Variants in PAIP2B observed in about 807,000 individuals in gnomAD.
The protein encoded by PAIP2B is polyadenylate-binding protein-interacting protein 2B.
In PAIP2B, 13 loss-of-function variants were observed where a neutral mutation model predicts 17.0. The ratio of observed to expected loss-of-function variants is 0.76; its 90% CI spans 0.50 to 1.22. The LOEUF (loss-of-function observed/expected upper bound fraction) is 1.22, where lower values mean the gene tolerates loss of function less well. Among genes scored for constraint, PAIP2B ranks in the 50% most tolerant of loss-of-function variants. The probability of loss-of-function intolerance (pLI) is 0.00; values close to 1 mark genes in which losing one functional copy is unlikely to be tolerated. For synonymous variants in PAIP2B, 43 were observed against 48.7 expected, an observed-to-expected ratio of 0.88 and a Z score of 0.48; for missense variants, 117 against 144.5, an observed-to-expected ratio of 0.81 and a Z score of 0.98.
intron 1 of PAIP2B, among the ~76,000 whole-genome samples, chr2:71,208,663 T>C (rs1675209037): frequency 6.6e-6 from 1 of 152,190 alleles, no homozygotes; most frequent in South Asian, 2.1e-4. Flanking sequence ...AGGGTGTTTG[T>C]ATATATAATT....
chr2:71,215,831 T>C (rs1429936496), intron 1 of PAIP2B, among the ~76,000 whole-genome samples: 1 of 152,218 alleles, frequency 6.6e-6, no homozygotes, highest in African/African-American at 2.4e-5. Context: ...AATATATTTG[T>C]GTGTACTTTA....
At chr2:71,223,034 G>C (rs1675630278) in intron 1 of PAIP2B, among the ~76,000 whole-genome samples, 1 of 152,314 alleles carries the variant, frequency 6.6e-6, no homozygotes, top group East Asian at 1.9e-4. Context: ...CAGAGCTCCT[G>C]ACTTAGCTCT....
intron 1 of PAIP2B, among the ~76,000 whole-genome samples, chr2:71,209,709 T>C (rs1439545076): frequency 6.6e-6 from 1 of 152,236 alleles, no homozygotes; most frequent in Non-Finnish European, 1.5e-5. Flanking sequence ...TTCTAACTTT[T>C]TGTTTATTCT....
intron 2 of PAIP2B, among the ~76,000 whole-genome samples, chr2:71,196,762 T>C (rs767770780): frequency 6.6e-6 from 1 of 152,174 alleles, no homozygotes; most frequent in African/African-American, 2.4e-5. Flanking sequence ...TTTACCATTA[T>C]GTAATGTCCT....
intron 1 of PAIP2B, among the ~76,000 whole-genome samples, chr2:71,219,877 A>G (rs35686144): frequency 0.096 from 14,530 of 152,124 alleles, 766 homozygotes; most frequent in Non-Finnish European, 0.12. Context: ...GTATATTCTT[A>G]CTCTACTCTT....
At chr2:71,210,075 C>T (rs978247064) in intron 1 of PAIP2B, among the ~76,000 whole-genome samples, 4 of 152,186 alleles carry the variant, frequency 2.6e-5, no homozygotes, top group Admixed American at 1.3e-4. Context: ...CTGCCCGCCT[C>T]AGCCTCCCAA....
At chr2:71,193,985 T>C (rs192809100) in intron 2 of PAIP2B, among the ~76,000 whole-genome samples, 100 of 152,328 alleles carry the variant, frequency 6.6e-4, no homozygotes, top group Admixed American at 6.5e-3. Flanking sequence ...GGGAGTCTTT[T>C]CCCTAGTGCT....
chr2:71,211,903 T>G (rs1675311478), intron 1 of PAIP2B, among the ~76,000 whole-genome samples: 1 of 152,178 alleles, frequency 6.6e-6, no homozygotes, highest in Non-Finnish European at 1.5e-5. Flanking sequence ...TGGCAAGATC[T>G]CTAGACTCAG....
rs1282837623 is a variant in PAIP2B, at chr2:71,185,897, TACAGATC to T, written c.*2575_*2581del. ...GAGTTGAATAAATAATCCCAATAAT[TACAGATC>T]AATCACTAATAAACTAACATTGGGA... On this transcript the variant is annotated 3_prime_UTR_variant, in exon 4 of 4. Coordinates refer to ENST00000244221, the MANE Select transcript of PAIP2B (RefSeq NM_020459.1). The T allele has an allele frequency of 3.7e-4, 56 of 152,240 alleles. 2 individuals carry two copies. Among genetic ancestry groups the T allele is most frequent in the Admixed American group, 3.1e-3 (48 of 15,284 alleles). The allele number at this position is 152,240 out of a possible 1,614,324, so 9.4% of individuals were successfully genotyped here. A position where few individuals can be genotyped will look rare whatever the true frequency, so the allele number is the denominator to read the frequency against.
At chr2:71,205,890 C>T (rs1675113564) in intron 1 of PAIP2B, among the ~76,000 whole-genome samples, 1 of 152,092 alleles carries the variant, frequency 6.6e-6, no homozygotes, top group Non-Finnish European at 1.5e-5. Context: ...CAGAGAGGCT[C>T]ATGGGAGAGG....
chr2:71,205,025 A>C (rs11692693), intron 1 of PAIP2B, among the ~76,000 whole-genome samples: 10,108 of 152,132 alleles, frequency 0.066, 380 homozygotes, highest in African/African-American at 0.092. Context: ...ACATGATTGT[A>C]AGGCAAAAGA....
intron 1 of PAIP2B, among the ~76,000 whole-genome samples, chr2:71,205,223 A>G (rs1304681945): frequency 4.6e-5 from 7 of 152,226 alleles, no homozygotes; most frequent in African/African-American, 1.2e-4. Context: ...AAACACTGAT[A>G]TGGTATTGTC....
At position 71,188,502 on chromosome 2, in the gene PAIP2B, A is replaced by G. The variant is rs1674600761; in HGVS notation, c.349T>C (p.Phe117Leu). The change falls in exon 4 of 4, where the codon TTT becomes CTT. Residue 117 changes from phenylalanine (F) to leucine (L), a missense_variant. By Grantham distance (22) the Phe-to-Leu change is conservative (BLOSUM62 0). Transcript: ENST00000244221. ...KSNLNPDAKE[F>L]IPGEKY Reference sequence around the variant, plus strand: ...GCTCAGTACTTCTCTCCTGGAATAAACTCCTTGGCATCTGGGTTCAGGTTA... The same window carrying G: ...GCTCAGTACTTCTCTCCTGGAATAAGCTCCTTGGCATCTGGGTTCAGGTTA... The G allele has an allele frequency of 6.2e-7, 1 of 1,610,334 alleles. No individual in the cohort carries two copies. Among genetic ancestry groups the G allele is most frequent in the Non-Finnish European group, 8.5e-7 (1 of 1,178,462 alleles).
intron 1 of PAIP2B, among the ~76,000 whole-genome samples, chr2:71,210,448 G>C (rs1282850230): frequency 6.6e-6 from 1 of 152,290 alleles, no homozygotes; most frequent in African/African-American, 2.4e-5. Context: ...ATTCTGCTAA[G>C]TTTTCCTATA....
At chr2:71,223,306 G>A (rs1675638311) in intron 1 of PAIP2B, among the ~76,000 whole-genome samples, 1 of 152,082 alleles carries the variant, frequency 6.6e-6, no homozygotes. Flanking sequence ...CCAGCTACTT[G>A]GAGTCTGAGG....
chr2:71,211,406 GC>G (rs1558780565), intron 1 of PAIP2B, among the ~76,000 whole-genome samples: 1 of 152,002 alleles, frequency 6.6e-6, no homozygotes, highest in East Asian at 1.9e-4. Flanking sequence ...CTGAGCCAAG[GC>G]CCAATTTTTG....
At chr2:71,207,489 C>A (rs1385327534) in intron 1 of PAIP2B, among the ~76,000 whole-genome samples, 2 of 152,036 alleles carry the variant, frequency 1.3e-5, no homozygotes, top group African/African-American at 4.8e-5. Context: ...TAATAGAAGC[C>A]ATTATAAGGA....
intron 1 of PAIP2B, among the ~76,000 whole-genome samples, chr2:71,216,879 A>G (rs1296356338): frequency 2.0e-5 from 3 of 152,200 alleles, no homozygotes; most frequent in South Asian, 2.1e-4. Context: ...CCTCCATCCA[A>G]TGTATTTTAT....
chr2:71,189,814 C>T (rs1674636433), intron 3 of PAIP2B, 31 bp downstream of exon 3: 2 of 1,522,200 alleles, frequency 1.3e-6, no homozygotes, highest in Non-Finnish European at 8.9e-7. Context: ...CTTTTCACTA[C>T]ATAACCTGGG....
Sources: gnomAD v4.1 joint callset for allele counts (sites outside exome capture counted in the v4.1 genomes callset) on GRCh38, gnomAD v4.1.1 for gene constraint, MANE v1.5 for transcripts, NCBI Gene and HGNC (gene_info 2026-07-23, HGNC 2026-07-21) for gene names.